Variants in C14orf180 observed in about 807,000 individuals in gnomAD.
C14orf180 encodes the protein chromosome 14 open reading frame 180.
C14orf180 carries 13 observed loss-of-function variants against 13.9 expected under a neutral mutation model. That is an observed-to-expected ratio of 0.94 (90% CI 0.61 to 1.49). The LOEUF is 1.49. C14orf180 is among the 40% of genes most tolerant of loss of function. The pLI is 0.00. For synonymous variants in C14orf180, 113 were observed against 106.3 expected, an observed-to-expected ratio of 1.06 and a Z score of -0.39; for missense variants, 238 against 232.0, an observed-to-expected ratio of 1.03 and a Z score of -0.17.
At position 104,589,639 on chromosome 14, in the gene C14orf180, C is replaced by G. The variant is rs200679665; in HGVS notation, c.*856C>G. 1 of 152,602 alleles carries G rather than the reference C, an allele frequency of 6.6e-6. No homozygotes were observed. Among genetic ancestry groups the G allele is most frequent in the East Asian group, 1.9e-4 (1 of 5,180 alleles). 9.5% of individuals were successfully genotyped at this position (152,602 alleles called of 1,614,324 possible). ...ACACCAGGGGCCTCTCCAGACCCTA[C>G]GTGGGGGGAGGGCTGAACAAAGCAG... is the stretch of plus-strand genomic sequence containing the variant. On this transcript the variant is annotated 3_prime_UTR_variant, in exon 5 of 5. Transcript: ENST00000557649. This position sits in a 1 kb window ranked among gnomAD's most constrained non-coding sequence, Gnocchi z 4.9.
At position 104,588,861 on chromosome 14, in the gene C14orf180, G is replaced by A. The variant is rs1240262490; in HGVS notation, c.*78G>A. 2 of 1,500,040 alleles carry A rather than the reference G, an allele frequency of 1.3e-6. No homozygotes were observed. Among genetic ancestry groups the A allele is most frequent in the South Asian group, 2.5e-5 (2 of 79,866 alleles). 92.9% of individuals were successfully genotyped at this position (1,500,040 alleles called of 1,614,324 possible). A position where few individuals can be genotyped will look rare whatever the true frequency, so the allele number is the denominator to read the frequency against. On this transcript the variant is annotated 3_prime_UTR_variant, in exon 5 of 5. Coordinates refer to ENST00000557649, the MANE Select transcript of C14orf180 (RefSeq NM_001008404.3). ...GGGGCTCCGAGACAGCCTGAGCCCT[G>A]GCCCTGCTGCTTGGTGAATCATGGG...
At chr14:104,585,758 G>C (rs1382174820) in intron 1 of C14orf180, among the ~76,000 whole-genome samples, 2 of 144,120 alleles carry the variant, frequency 1.4e-5, no homozygotes, top group Non-Finnish European at 2.9e-5. Context: ...GACAGAATCA[G>C]AGAGAGGCAG....
chr14:104,589,002 TG>T lies in C14orf180; in HGVS notation c.*220del, dbSNP rs1886751987. On this transcript the variant is annotated 3_prime_UTR_variant, in exon 5 of 5. Coordinates refer to ENST00000557649, the MANE Select transcript of C14orf180 (RefSeq NM_001008404.3). The surrounding 1 kb of genome is among the most constrained non-coding windows in gnomAD (Gnocchi z 4.9). The stretch of plus-strand genomic sequence containing the variant: ...GCCACACTAGTCAGCACAGCCCTCC[TG>T]TCTCCTGTGTTGGGTCCATGTGAGA... 2.1e-6 allele frequency: 2 copies of T among 932,060 alleles called. No homozygotes were observed. The highest frequency in any genetic ancestry group is 3.1e-6 in the Non-Finnish European group (2 of 649,860). The allele number at this position is 932,060 out of a possible 1,614,324, so 57.7% of individuals were successfully genotyped here.
intron 4 of C14orf180, 97 bp from the exon 5 acceptor site, chr14:104,588,481 A>G (rs976981412): frequency 4.7e-5 from 68 of 1,441,936 alleles, no homozygotes; most frequent in Admixed American, 1.8e-4. Context: ...ATGGGCATGG[A>G]CAGGGTGGAA....
rs1182242423 is a variant in C14orf180, at chr14:104,588,588, G to A, written c.288G>A (p.Arg96=). The A allele has an allele frequency of 6.9e-7, 1 of 1,457,534 alleles. No individual in the cohort carries two copies. The highest frequency in any genetic ancestry group is 1.4e-5 in the South Asian group (1 of 70,786). The allele number at this position is 1,457,534 out of a possible 1,614,324, so 90.3% of individuals were successfully genotyped here. Reference sequence around the variant, plus strand: ...GCCCTCTGGCCGCAGTGCCCGGCCGGCCCAGGCCACACGGCGGCTCCCTGC... The same window carrying A: ...GCCCTCTGGCCGCAGTGCCCGGCCGACCCAGGCCACACGGCGGCTCCCTGC... ...NATATVRVPG[R]PRPHGGSLLL... The change falls in exon 5 of 5, where the codon CGG becomes CGA. Residue 96 remains arginine, a synonymous_variant. Coordinates refer to ENST00000557649, the MANE Select transcript of C14orf180 (RefSeq NM_001008404.3).
Position 104,587,809 on chromosome 14 carries a change from C to T in C14orf180, c.172C>T (p.Pro58Ser). The stretch of plus-strand genomic sequence containing the variant: ...ACGGAGCCGGCCGGAGCACCACCGC[C>T]CAGAGGCCAAGCCCCAGAGGACCTC... ...LKRSRPEHHR[P>S]EAKPQRTSRR... The change falls in exon 3 of 5, where the codon CCA becomes TCA. Residue 58 changes from proline (P) to serine (S), a missense_variant. Physicochemically the swap from Pro to Ser is moderately conservative, Grantham distance 74. Transcript: ENST00000557649. 1 of 1,612,612 alleles carries T rather than the reference C, an allele frequency of 6.2e-7. No individual in the cohort carries two copies. The highest frequency in any genetic ancestry group is 8.5e-7 in the Non-Finnish European group (1 of 1,179,654).
intron 1 of C14orf180, among the ~76,000 whole-genome samples, chr14:104,584,249 G>C (rs1886537522): frequency 6.6e-6 from 1 of 152,314 alleles, no homozygotes; most frequent in Admixed American, 6.5e-5. Flanking sequence ...GGGTCGCCTG[G>C]CAAGGGGCTG....
At chr14:104,583,318 A>G (rs1886502948) in intron 1 of C14orf180, among the ~76,000 whole-genome samples, 1 of 152,158 alleles carries the variant, frequency 6.6e-6, no homozygotes, top group Admixed American at 6.5e-5. Flanking sequence ...GTGTCATCCC[A>G]TAGGATGTCC....
intron 1 of C14orf180, among the ~76,000 whole-genome samples, chr14:104,585,872 C>A (rs1886601282): frequency 1.3e-5 from 2 of 151,982 alleles, no homozygotes; most frequent in African/African-American, 2.4e-5. Flanking sequence ...GAGGGGTGGG[C>A]CCCCAGGAGC....
At position 104,587,113 on chromosome 14, in the gene C14orf180, C is replaced by T. The variant is rs147753697; in HGVS notation, c.111+572C>T. Among the ~76,000 whole-genome samples the T allele has an allele frequency of 4.3e-4, 66 of 152,230 alleles. No homozygotes were observed. The East Asian group carries it at 0.013, about 29-fold the overall frequency. ...CAGAGCTGGCCCGGCTCCCAGGGTG[C>T]CTCAGCCCCAGTTGTCACCATGTCA... On this transcript the variant is annotated intron_variant, in intron 2 of 4. Transcript: ENST00000557649.
chr14:104,580,578 G>T (rs1251265902), intron 1 of C14orf180, among the ~76,000 whole-genome samples: 1 of 152,224 alleles, frequency 6.6e-6, no homozygotes, highest in African/African-American at 2.4e-5. Flanking sequence ...GCAAGTCTAC[G>T]CAGGCCCAGC....
At chr14:104,587,309 C>G (rs562442493) in intron 2 of C14orf180, among the ~76,000 whole-genome samples, 1 of 152,104 alleles carries the variant, frequency 6.6e-6, no homozygotes, top group African/African-American at 2.4e-5. Context: ...GAAAAGGAGG[C>G]CGAGGCCACC....
chr14:104,588,889 C>A lies in C14orf180; in HGVS notation c.*106C>A. The A allele has an allele frequency of 6.8e-7, 1 of 1,476,380 alleles. No homozygotes were observed. Among genetic ancestry groups the A allele is most frequent in the Non-Finnish European group, 9.0e-7 (1 of 1,114,072 alleles). The allele number at this position is 1,476,380 out of a possible 1,614,324, so 91.5% of individuals were successfully genotyped here. A position where few individuals can be genotyped will look rare whatever the true frequency, so the allele number is the denominator to read the frequency against. ...CCTGCTGCTTGGTGAATCATGGGGG[C>A]CAAAAGGGGCTGCTGCCTGAGGGCT... On this transcript the variant is annotated 3_prime_UTR_variant, in exon 5 of 5. Transcript: ENST00000557649.
Position 104,587,769 on chromosome 14 carries a change from C to T in C14orf180, c.132C>T (p.Pro44=), listed in dbSNP as rs1367760315. 1 of 1,612,482 alleles carries T rather than the reference C, an allele frequency of 6.2e-7. No individual in the cohort carries two copies. Among genetic ancestry groups the T allele is most frequent in the Non-Finnish European group, 8.5e-7 (1 of 1,179,590 alleles). ...RAEREDNRKC[P]PSILKRSRPE... is the part of the protein sequence containing the mutation. ...ACCAGGAGGACAACAGGAAGTGCCC[C>T]CCCTCCATCCTGAAACGGAGCCGGC... The change falls in exon 3 of 5, where the codon CCC becomes CCT. Residue 44 remains proline, a synonymous_variant. Transcript: ENST00000557649.
Position 104,579,980 on chromosome 14 carries a change from C to G in C14orf180, c.-40C>G, listed in dbSNP as rs1233347159. On this transcript the variant is annotated 5_prime_UTR_variant, in exon 1 of 5. Coordinates refer to ENST00000557649, the MANE Select transcript of C14orf180 (RefSeq NM_001008404.3). ...GATCCCGAAGAGCCTGTTTCTGTCCCTCGGGGAGCCAGGAGGGAACCAGGT... is the reference window on the plus strand; with the variant it reads ...GATCCCGAAGAGCCTGTTTCTGTCCGTCGGGGAGCCAGGAGGGAACCAGGT... The G allele has an allele frequency of 6.6e-6, 1 of 152,398 alleles. No individual in the cohort carries two copies. The highest frequency in any genetic ancestry group is 1.9e-4 in the East Asian group (1 of 5,200). 9.4% of individuals were successfully genotyped at this position (152,398 alleles called of 1,614,324 possible).
intron 4 of C14orf180, 53 bp from the exon 5 acceptor site, chr14:104,588,525 C>G: frequency 6.9e-7 from 1 of 1,444,670 alleles, no homozygotes; most frequent in Non-Finnish European, 9.1e-7. Flanking sequence ...CCCCAGTCCT[C>G]CAGGGAAGGG....
rs1270802144 is a variant in C14orf180 at position 104,588,765 on chromosome 14, C to CG, written c.467dup (p.Leu157ProfsTer37). ...GGCACGTGGCCCTCACCTGCTGGCG[C>CG]GGCCTCCTGCGGCTCTGACGGGCAG... is the stretch of plus-strand genomic sequence containing the variant. On this transcript the variant is annotated frameshift_variant, in exon 5 of 5. Coordinates refer to ENST00000557649, the MANE Select transcript of C14orf180 (RefSeq NM_001008404.3). LOFTEE classifies it high-confidence loss of function. The CG allele has an allele frequency of 2.0e-5, 30 of 1,527,084 alleles. No individual in the cohort carries two copies. The highest frequency in any genetic ancestry group is 2.6e-5 in the Non-Finnish European group (30 of 1,145,212). The allele number at this position is 1,527,084 out of a possible 1,614,324, so 94.6% of individuals were successfully genotyped here. A position where few individuals can be genotyped will look rare whatever the true frequency, so the allele number is the denominator to read the frequency against.
In C14orf180 at chr14:104,579,991, AG is replaced by A. The variant is rs1886385829; in HGVS notation, c.-27del. The A allele has an allele frequency of 6.6e-6, 1 of 152,400 alleles. No individual in the cohort carries two copies. The allele number at this position is 152,400 out of a possible 1,614,324, so 9.4% of individuals were successfully genotyped here. On this transcript the variant is annotated 5_prime_UTR_variant, in exon 1 of 5. Transcript: ENST00000557649. ...GCCTGTTTCTGTCCCTCGGGGAGCC[AG>A]GAGGGAACCAGGTGAGTTCCAGCCC... is the stretch of plus-strand genomic sequence containing the variant.
At chr14:104,585,090 G>T (rs1886573429) in intron 1 of C14orf180, among the ~76,000 whole-genome samples, 1 of 152,222 alleles carries the variant, frequency 6.6e-6, no homozygotes, top group Non-Finnish European at 1.5e-5. Context: ...GCCCTTGGGG[G>T]CAGGGTCCTT....
Sources: gnomAD v4.1 joint callset for allele counts (sites outside exome capture counted in the v4.1 genomes callset) on GRCh38, gnomAD v4.1.1 for gene constraint, Gnocchi (gnomAD v3.1) non-coding constraint, MANE v1.5 for transcripts, NCBI Gene and HGNC (gene_info 2026-07-23, HGNC 2026-07-21) for gene names.